Variants in DHX8 observed in about 807,000 individuals in gnomAD.
DHX8 encodes DEAH-box helicase 8.
DHX8 carries 67 observed loss-of-function variants against 140.7 expected under a neutral mutation model. The ratio of observed to expected loss-of-function variants is 0.48; its 90% CI spans 0.39 to 0.58. The LOEUF (loss-of-function observed/expected upper bound fraction) is 0.58. Among genes scored for constraint, DHX8 ranks in the 20% least tolerant of loss-of-function variants. The pLI, the probability that DHX8 is intolerant of heterozygous loss-of-function variation, is 0.00. For missense variants in DHX8, 887 were observed against 1,550.7 expected (o/e 0.57, Z 7.19); for synonymous variants, 533 against 553.2 (o/e 0.96, Z 0.51).
intron 11 of DHX8, 36 bp from the exon 12 acceptor site, chr17:43,504,608 T>C (rs1330903963): frequency 1.9e-6 from 3 of 1,570,956 alleles, no homozygotes; most frequent in Non-Finnish European, 2.6e-6. Context: ...TGAGGTAGCT[T>C]GAGGACAATA....
downstream of DHX8, among the ~76,000 whole-genome samples, chr17:43,530,884 A>C (rs190841597): frequency 2.5e-3 from 380 of 151,732 alleles, 2 homozygotes; most frequent in African/African-American, 9.0e-3. Flanking sequence ...CACCTCCGGG[A>C]GGAGGCGGGA....
intron 19 of DHX8, 103 bp from the exon 20 acceptor site, chr17:43,520,648 G>T (rs1970329358): frequency 7.1e-7 from 1 of 1,400,312 alleles, no homozygotes; most frequent in Non-Finnish European, 9.9e-7. Context: ...ATTATGCTTT[G>T]GGAAAATCTG....
At chr17:43,495,338 G>T (rs1372499283) in intron 8 of DHX8, among the ~76,000 whole-genome samples, 2 of 152,192 alleles carry the variant, frequency 1.3e-5, no homozygotes, top group Non-Finnish European at 2.9e-5. Flanking sequence ...GAGTGCAGTG[G>T]CATGACCATG....
chr17:43,485,600 TG>T (rs1968092319), intron 1 of DHX8, among the ~76,000 whole-genome samples: 2 of 152,098 alleles, frequency 1.3e-5, no homozygotes, highest in Non-Finnish European at 2.9e-5. Flanking sequence ...AATATTGAGC[TG>T]GGGGCTAGGC....
chr17:43,532,657 C>G (rs1165277298), intron 2 of DHX8: 2 of 1,603,698 alleles, frequency 1.2e-6, no homozygotes, highest in East Asian at 2.2e-5. Flanking sequence ...CCACCCTGCC[C>G]CACCCCAGTC....
chr17:43,533,468 T>C, intron 2 of DHX8: 1 of 967,310 alleles, frequency 1.0e-6, no homozygotes, highest in South Asian at 1.7e-5. Context: ...TAGAGGGGGC[T>C]GAGAAGGGAA....
intron 1 of DHX8, among the ~76,000 whole-genome samples, chr17:43,485,090 A>G (rs1441024794): frequency 6.6e-6 from 1 of 152,208 alleles, no homozygotes; most frequent in Non-Finnish European, 1.5e-5. Flanking sequence ...GATGGGATCA[A>G]GGGCAACCAA....
chr17:43,530,284 C>A, downstream of DHX8: 1 of 1,522,348 alleles, frequency 6.6e-7, no homozygotes, highest in Non-Finnish European at 8.8e-7. Context: ...TCCTTCCAGC[C>A]TGCTTCCTGG....
chr17:43,508,498 C>T lies in DHX8; in HGVS notation c.2480C>T (p.Pro827Leu), dbSNP rs777225956. Reference protein sequence around the residue: ...PSEMQTRIFDPAPPGSRKVVI... With the variant: ...PSEMQTRIFDLAPPGSRKVVI... ...GAGATGCAGACCCGAATCTTTGACCCAGCTCCACCAGGCAGCAGAAAGGTA... is the reference window on the plus strand; with the variant it reads ...GAGATGCAGACCCGAATCTTTGACCTAGCTCCACCAGGCAGCAGAAAGGTA... The change falls in exon 16 of 23, where the codon CCA becomes CTA. Residue 827 changes from proline to leucine, a missense_variant. Pro to Leu is a moderately conservative substitution (Grantham distance 98). This residue lies in a region of DHX8 where 151 missense variants were observed against 388.3 expected (regional missense o/e 0.39). Transcript: ENST00000262415. 1 of 1,612,396 alleles carries T rather than the reference C, an allele frequency of 6.2e-7. No homozygotes were observed. Among genetic ancestry groups the T allele is most frequent in the South Asian group, 1.1e-5 (1 of 90,710 alleles).
At chr17:43,526,327 A>G, downstream of DHX8, 1 of 1,429,676 alleles carries the variant, frequency 7.0e-7, no homozygotes, top group South Asian at 1.5e-5. Flanking sequence ...CGCGAGAACC[A>G]AGCTCAGGAG....
At chr17:43,538,140 CA>C (rs34924870) in intron 3 of DHX8, among the ~76,000 whole-genome samples, 65,289 of 110,722 alleles carry the variant, frequency 0.59, 17,450 homozygotes, top group East Asian at 0.73. Context: ...GACTCCATTT[CA>C]AAAAAAAAAA....
chr17:43,506,802 C>A (rs976187051), intron 12 of DHX8, among the ~76,000 whole-genome samples: 1 of 152,042 alleles, frequency 6.6e-6, no homozygotes, highest in Non-Finnish European at 1.5e-5. Flanking sequence ...TGGGAAGGAA[C>A]ATTTTTTATG....
chr17:43,542,038 A>T (rs957439637), intron 3 of DHX8, among the ~76,000 whole-genome samples: 1 of 152,174 alleles, frequency 6.6e-6, no homozygotes, highest in Non-Finnish European at 1.5e-5. Flanking sequence ...TGTGCCCTCC[A>T]TGCATGCCCT....
At position 43,492,801 on chromosome 17, in the gene DHX8, A is replaced by G; in HGVS notation, c.624A>G (p.Ser208=). The G allele has an allele frequency of 1.9e-6, 3 of 1,614,212 alleles. No homozygotes were observed. Among genetic ancestry groups the G allele is most frequent in the Non-Finnish European group, 2.5e-6 (3 of 1,180,032 alleles). Residue 208 remains serine (S), a synonymous_variant, in exon 6 of 23, where the codon TCA becomes TCG. Transcript: ENST00000262415. ...HKRRHRSRSR[S]RSRTRERNKV... ...GGAGACACCGATCCCGCTCTCGATC[A>G]CGTTCCAGGACCCGGGAGAGGAATA...
At chr17:43,488,418 T>C (rs1446562536) in intron 1 of DHX8, among the ~76,000 whole-genome samples, 1 of 152,098 alleles carries the variant, frequency 6.6e-6, no homozygotes. Context: ...AAGACCATCC[T>C]GGCTAACATG....
Position 43,533,339 on chromosome 17 carries a change from G to A in DHX8, c.351-3073G>A, listed in dbSNP as rs934111095. 6 of 1,613,232 alleles carry A rather than the reference G, an allele frequency of 3.7e-6. No homozygotes were observed. In the African/African-American group the frequency reaches 5.3e-5, roughly 14 times the overall value. ...ACTTGATGGCGATTTGTCTGGGGGG[G>A]TCATAGGCACTGGAGTTGAGAAGGA... On this transcript the variant is annotated intron_variant, in intron 2 of 3. Transcript: ENST00000589898.
downstream of DHX8, chr17:43,526,635 T>C: frequency 5.9e-6 from 9 of 1,533,628 alleles, no homozygotes; most frequent in Non-Finnish European, 7.9e-6. Flanking sequence ...TCATCTCAGC[T>C]TGTGGAGACC....
intron 16 of DHX8, 120 bp from the exon 17 acceptor site, chr17:43,513,242 C>A: frequency 3.7e-6 from 4 of 1,087,926 alleles, no homozygotes; most frequent in Non-Finnish European, 3.8e-6. Flanking sequence ...TCATTTTAAC[C>A]GTCTAGAGAG....
At position 43,521,415 on chromosome 17, in the gene DHX8, C is replaced by A; in HGVS notation, c.3113C>A (p.Thr1038Asn). 1 of 1,613,936 alleles carries A rather than the reference C, an allele frequency of 6.2e-7. No individual in the cohort carries two copies. Among genetic ancestry groups the A allele is most frequent in the Non-Finnish European group, 8.5e-7 (1 of 1,179,960 alleles). ...CAGAAGAAGGCCAAATTCCACCAGACTGAAGGGGACCACCTCACCCTGCTA... is the reference window on the plus strand; with the variant it reads ...CAGAAGAAGGCCAAATTCCACCAGAATGAAGGGGACCACCTCACCCTGCTA... ...ADQKKAKFHQ[T>N]EGDHLTLLAV... Residue 1038 changes from threonine to asparagine, a missense_variant, in exon 21 of 23, where the codon ACT becomes AAT. Transcript: ENST00000262415.
Sources: gnomAD v4.1 joint callset for allele counts (sites outside exome capture counted in the v4.1 genomes callset) on GRCh38, gnomAD v4.1.1 for gene constraint, gnomAD v4.1.1 regional missense constraint, MANE v1.5 for transcripts, NCBI Gene and HGNC (gene_info 2026-07-23, HGNC 2026-07-21) for gene names.